ERP44: variants seen among roughly 807,000 people sequenced by gnomAD.
The protein encoded by ERP44 is endoplasmic reticulum protein 44, also known as endoplasmic reticulum resident protein 44.
In ERP44, 25 loss-of-function variants were observed where a neutral mutation model predicts 53.4. The ratio of observed to expected loss-of-function variants is 0.47; its 90% CI spans 0.34 to 0.65. The LOEUF (loss-of-function observed/expected upper bound fraction) is 0.65. Ranked by LOEUF, ERP44 falls within the 30% of genes least tolerant of loss-of-function variation. The pLI, the probability that ERP44 is intolerant of heterozygous loss-of-function variation, is 0.01. For synonymous variants in ERP44, 145 were observed against 161.2 expected, an observed-to-expected ratio of 0.90 and a Z score of 0.76; for missense variants, 338 against 493.2, an observed-to-expected ratio of 0.69 and a Z score of 2.98.
chr9:100,023,179 C>T lies in ERP44; in HGVS notation c.287-953G>A, dbSNP rs117978701. ...TGTCCCTTTTCAACCTGATAAATTA[C>T]AAGGAGAGACTATGTCTTTGGGGTG... On this transcript the variant is annotated intron_variant, in intron 4 of 11. Transcript: ENST00000262455. Among the ~76,000 whole-genome samples the T allele has an allele frequency of 8.7e-3, 1,316 of 152,082 alleles. 11 individuals are homozygous for T. The highest frequency in any genetic ancestry group is 0.017 in the Middle Eastern group (5 of 294).
chr9:100,098,506 C>A, intron 1 of ERP44, among the ~76,000 whole-genome samples: 1 of 152,180 alleles, frequency 6.6e-6, no homozygotes, highest in Non-Finnish European at 1.5e-5. Flanking sequence ...AAACCGAAAC[C>A]CCCGGACTTC....
At position 100,067,372 on chromosome 9, in the gene ERP44, T is replaced by C. The variant is rs1490894764; in HGVS notation, c.58-7200A>G. On this transcript the variant is annotated intron_variant, in intron 1 of 11. Coordinates refer to ENST00000262455, the MANE Select transcript of ERP44 (RefSeq NM_015051.3). Reference sequence around the variant, plus strand: ...CGCCTGACTGGTTTTCGTATTTTTTTGGTGGAGACGGGGTTTCGCTGTGTT... The same window carrying C: ...CGCCTGACTGGTTTTCGTATTTTTTCGGTGGAGACGGGGTTTCGCTGTGTT... Among the ~76,000 whole-genome samples the C allele has an allele frequency of 2.0e-5, 3 of 152,088 alleles. No homozygotes were observed. The East Asian group carries it at 5.8e-4, about 29-fold the overall frequency.
intron 7 of ERP44, 133 bp downstream of exon 7, chr9:100,018,123 C>A: frequency 1.5e-6 from 1 of 682,618 alleles, no homozygotes. Flanking sequence ...TAGATCAGCA[C>A]AAGATGATGC....
chr9:100,012,424 A>G (rs2118640596), intron 8 of ERP44, among the ~76,000 whole-genome samples: 1 of 152,270 alleles, frequency 6.6e-6, no homozygotes. Flanking sequence ...CCAGTGGGGT[A>G]TTCTGACATG....
chr9:100,069,522 G>A (rs1268012258), intron 1 of ERP44, among the ~76,000 whole-genome samples: 4 of 152,086 alleles, frequency 2.6e-5, no homozygotes, highest in African/African-American at 9.7e-5. Flanking sequence ...CTTGAACCCA[G>A]GAAATGGAGG....
chr9:100,081,510 A>T (rs1389923757), intron 1 of ERP44, among the ~76,000 whole-genome samples: 1 of 152,228 alleles, frequency 6.6e-6, no homozygotes, highest in Middle Eastern at 3.4e-3. Context: ...TCTCATTTCA[A>T]TGACAGATCA....
In ERP44 at chr9:100,006,643, T is replaced by C. The variant is rs771296225; in HGVS notation, c.879A>G (p.Thr293=). Residue 293 remains threonine (T), a synonymous_variant, in exon 10 of 12, where the codon ACA becomes ACG. Transcript: ENST00000262455. ...CACAATCGGCATGTAAAAAGTTTAT[T>C]GTACCTTTAAGAAAAAAGAATTTTG... ...VARQLISEKG[T]INFLHADCDK... The C allele has an allele frequency of 5.0e-5, 79 of 1,575,820 alleles. No homozygotes were observed. The highest frequency in any genetic ancestry group is 6.3e-5 in the Non-Finnish European group (73 of 1,166,642).
At chr9:100,016,693 G>T (rs1197110530) in intron 7 of ERP44, among the ~76,000 whole-genome samples, 1 of 151,956 alleles carries the variant, frequency 6.6e-6, no homozygotes, top group African/African-American at 2.4e-5. Flanking sequence ...GCAGAGATGG[G>T]GTCTTGTTAT....
At chr9:100,093,650 GGA>G (rs1826589432) in intron 1 of ERP44, among the ~76,000 whole-genome samples, 1 of 151,256 alleles carries the variant, frequency 6.6e-6, no homozygotes, top group African/African-American at 2.4e-5. Flanking sequence ...CTGTGGGGGG[GGA>G]AAAAAAAAGA....
intron 4 of ERP44, among the ~76,000 whole-genome samples, chr9:100,030,968 A>G (rs1363247098): frequency 6.6e-6 from 1 of 152,188 alleles, no homozygotes; most frequent in African/African-American, 2.4e-5. Context: ...GACAGGGCCC[A>G]TCTGAGGGCA....
intron 4 of ERP44, among the ~76,000 whole-genome samples, chr9:100,037,369 A>G (rs187848710): frequency 1.3e-5 from 2 of 152,280 alleles, no homozygotes; most frequent in Admixed American, 6.5e-5. Context: ...CTTGTGCCAC[A>G]GTGCTCTGGG....
chr9:100,064,769 G>C (rs1464699560), intron 1 of ERP44, among the ~76,000 whole-genome samples: 1 of 152,170 alleles, frequency 6.6e-6, no homozygotes, highest in East Asian at 1.9e-4. Context: ...TCCTGACCCT[G>C]TGTAGGTCTA....
At chr9:100,054,743 A>T (rs562705117) in intron 3 of ERP44, among the ~76,000 whole-genome samples, 2 of 152,224 alleles carry the variant, frequency 1.3e-5, no homozygotes, top group Admixed American at 6.5e-5. Flanking sequence ...AGTATTTCAG[A>T]TAAGGGATAC....
chr9:100,038,749 C>T (rs1378794573), intron 4 of ERP44, among the ~76,000 whole-genome samples: 1 of 151,544 alleles, frequency 6.6e-6, no homozygotes, highest in South Asian at 2.1e-4. Context: ...CTGTTGCTTA[C>T]AAAAAACACA....
rs755908647 is a variant in ERP44 at position 99,998,885 on chromosome 9, G to A, written c.1016+7621C>T. The A allele has an allele frequency of 3.8e-6, 6 of 1,582,596 alleles. No individual in the cohort carries two copies. The African/African-American group carries it at 4.0e-5, about 11-fold the overall frequency. On this transcript the variant is annotated intron_variant, in intron 10 of 11. Transcript: ENST00000262455. The stretch of plus-strand genomic sequence containing the variant: ...TCTAGCAATGAGCTCTCTTGTCTTC[G>A]CCTCCATCTCCCCCAGCAGTCTCAG...
intron 11 of ERP44, among the ~76,000 whole-genome samples, chr9:99,983,135 A>G (rs1797784452): frequency 1.3e-5 from 2 of 152,238 alleles, no homozygotes; most frequent in African/African-American, 4.8e-5. Context: ...TTACCAGGAT[A>G]CCAGAAATTA....
At chr9:100,069,429 T>C (rs1216848401) in intron 1 of ERP44, among the ~76,000 whole-genome samples, 1 of 152,154 alleles carries the variant, frequency 6.6e-6, no homozygotes, top group African/African-American at 2.4e-5. Flanking sequence ...CAAAACTACT[T>C]TCAGACATTA....
chr9:100,040,531 A>C (rs4743378), intron 4 of ERP44, among the ~76,000 whole-genome samples: 142,604 of 152,186 alleles, frequency 0.94, 66,940 homozygotes, highest in African/African-American at 0.99. Context: ...TAATGAAGAC[A>C]ATGTACAATA....
intron 6 of ERP44, 126 bp from the exon 7 acceptor site, chr9:100,018,439 T>C (rs4743375): frequency 0.65 from 397,616 of 616,240 alleles, 133,279 homozygotes; most frequent in East Asian, 0.93. Context: ...CCAAGAAAAG[T>C]ATACATTTAA....
Sources: allele counts gnomAD v4.1 joint callset (sites outside exome capture counted in the v4.1 genomes callset), GRCh38; gene constraint gnomAD v4.1.1; transcripts MANE v1.5; gene names NCBI Gene and HGNC (gene_info 2026-07-23, HGNC 2026-07-21).